Variants in POMT2 observed in about 807,000 individuals in gnomAD.
The protein encoded by POMT2 is protein O-mannosyl-transferase 2.
POMT2 carries 75 observed loss-of-function variants against 100.0 expected under a neutral mutation model. That is an observed-to-expected ratio of 0.75 (90% confidence interval 0.62 to 0.91). The LOEUF (loss-of-function observed/expected upper bound fraction) is 0.91. Ranked by LOEUF, POMT2 falls within the 40% of genes least tolerant of loss-of-function variation. The pLI, the probability that POMT2 is intolerant of heterozygous loss-of-function variation, is 0.00. For missense variants in POMT2, 940 were observed against 955.1 expected (o/e 0.98, Z 0.21); for synonymous variants, 378 against 374.1 (o/e 1.01, Z -0.12).
intron 14 of POMT2, 187 bp from the exon 15 acceptor site, chr14:77,284,060 C>T: frequency 1.5e-6 from 1 of 649,122 alleles, no homozygotes. Context: ...ACTCATCAGG[C>T]ATTCTAAGAA....
chr14:77,320,831 C>T lies in POMT2; in HGVS notation c.-150G>A. 1 of 1,318,452 alleles carries T rather than the reference C, an allele frequency of 7.6e-7. No homozygotes were observed. Among genetic ancestry groups the T allele is most frequent in the South Asian group, 1.7e-5 (1 of 57,762 alleles). 81.7% of individuals were successfully genotyped at this position (1,318,452 alleles called of 1,614,324 possible). On this transcript the variant is annotated 5_prime_UTR_variant, in exon 1 of 21. Transcript: ENST00000261534. ...GGAGCGCGGGGCCCCGGGCTCGGGG[C>T]GGGGCGGGCAGCGTGGTCGCGGCCC...
rs61990292 is a variant in POMT2 at position 77,279,774 on chromosome 14, G to A, written c.1891+49C>T. On this transcript the variant is annotated intron_variant, in intron 18 of 20. Coordinates refer to ENST00000261534, the MANE Select transcript of POMT2 (RefSeq NM_013382.7). The stretch of plus-strand genomic sequence containing the variant: ...CAGCCGGCCCTCCCCAGGGGTGCAG[G>A]TGCCCTGCTGCCGCCAGGTCAGGGG... 0.057 allele frequency: 89,174 copies of A among 1,567,636 alleles called. 3,034 individuals are homozygous for A. The highest frequency in any genetic ancestry group is 0.069 in the Non-Finnish European group (79,296 of 1,153,998).
intron 2 of POMT2, 86 bp downstream of exon 2, chr14:77,311,863 G>A (rs1023643899): frequency 5.9e-6 from 9 of 1,532,610 alleles, no homozygotes; most frequent in Admixed American, 4.5e-5. Flanking sequence ...CTTTCTAGAA[G>A]CCCCAAATCC....
At chr14:77,283,931 C>T in intron 14 of POMT2, 58 bp from the exon 15 acceptor site, 1 of 1,398,548 alleles carries the variant, frequency 7.2e-7, no homozygotes, top group South Asian at 1.2e-5. Context: ...CTCAGTCTGT[C>T]CATGGTGTCC....
chr14:77,298,957 C>A (rs377291519), intron 7 of POMT2, among the ~76,000 whole-genome samples, 186 bp from the exon 8 acceptor site: 1 of 152,192 alleles, frequency 6.6e-6, no homozygotes, highest in Non-Finnish European at 1.5e-5. Context: ...ACTAGCTGTG[C>A]GACCTTGGGC....
chr14:77,298,241 C>A (rs1247677266), intron 8 of POMT2, among the ~76,000 whole-genome samples: 4 of 152,202 alleles, frequency 2.6e-5, no homozygotes, highest in African/African-American at 7.2e-5. Context: ...AGCTGTGCTC[C>A]CTCTTTACGT....
At chr14:77,319,084 T>G (rs895472050) in intron 1 of POMT2, among the ~76,000 whole-genome samples, 3 of 152,226 alleles carry the variant, frequency 2.0e-5, no homozygotes, top group African/African-American at 7.2e-5. Context: ...TGGGCTATTG[T>G]AATTACTGGT....
At chr14:77,296,298 G>C (rs1336661678) in intron 8 of POMT2, 25 bp from the exon 9 acceptor site, 1 of 1,519,150 alleles carries the variant, frequency 6.6e-7, no homozygotes, top group South Asian at 1.2e-5. Flanking sequence ...GACAGCAGAG[G>C]GGTGAGCTGG....
chr14:77,307,703 A>G (rs1891273286), intron 2 of POMT2, among the ~76,000 whole-genome samples: 1 of 152,118 alleles, frequency 6.6e-6, no homozygotes, highest in South Asian at 2.1e-4. Flanking sequence ...AGTATCTCTG[A>G]GCTATAGGTA....
chr14:77,285,569 G>A lies in POMT2; in HGVS notation c.1396C>T (p.Arg466Trp), dbSNP rs763119319. The change falls in exon 13 of 21, where the codon CGG (arginine) becomes TGG (tryptophan). Residue 466 changes from arginine (R) to tryptophan (W), a missense_variant. By Grantham distance (101) the Arg-to-Trp change is moderately radical. Transcript: ENST00000261534. Reference sequence around the variant, plus strand: ...ATTCGACTTCTCAGCACTTTGATCCGGTTTCCAAATTTCCTGTTTACGACC... The same window carrying A: ...ATTCGACTTCTCAGCACTTTGATCCAGTTTCCAAATTTCCTGTTTACGACC... The part of the protein sequence containing the change: ...IEVVNRKFGN[R>W]IKVLRSRIRF... The A allele has an allele frequency of 5.1e-5, 83 of 1,613,828 alleles. No homozygotes were observed. Among genetic ancestry groups the A allele is most frequent in the Admixed American group, 4.8e-4 (29 of 59,988 alleles).
intron 2 of POMT2, chr14:77,308,810 A>AT (rs772352855): frequency 4.4e-4 from 199 of 448,154 alleles, no homozygotes; most frequent in Non-Finnish European, 6.4e-4. Flanking sequence ...ATATTCTTCG[A>AT]TTTTTTAGCT....
chr14:77,286,565 T>C (rs1300723147), intron 12 of POMT2, among the ~76,000 whole-genome samples, 179 bp downstream of exon 12: 2 of 152,226 alleles, frequency 1.3e-5, no homozygotes, highest in Admixed American at 6.5e-5. Flanking sequence ...ACAGACTTCA[T>C]AGGCTGCTTT....
At chr14:77,294,609 T>A (rs1008623113) in intron 9 of POMT2, among the ~76,000 whole-genome samples, 1 of 152,242 alleles carries the variant, frequency 6.6e-6, no homozygotes, top group African/African-American at 2.4e-5. Context: ...AGAGATCTGA[T>A]GGTTTTTAAA....
Position 77,320,851 on chromosome 14 carries a change from C to A in POMT2, c.-170G>T. The A allele has an allele frequency of 4.6e-6, 6 of 1,302,936 alleles. No individual in the cohort carries two copies. The highest frequency in any genetic ancestry group is 5.9e-6 in the Non-Finnish European group (6 of 1,016,448). The allele number at this position is 1,302,936 out of a possible 1,614,324, so 80.7% of individuals were successfully genotyped here. On this transcript the variant is annotated 5_prime_UTR_variant, in exon 1 of 21. Coordinates refer to ENST00000261534, the MANE Select transcript of POMT2 (RefSeq NM_013382.7). Reference sequence around the variant, plus strand: ...CGGGGCGGGGCGGGCAGCGTGGTCGCGGCCCGGGCCGCTAGGAGGCGGCAG... The same window carrying A: ...CGGGGCGGGGCGGGCAGCGTGGTCGAGGCCCGGGCCGCTAGGAGGCGGCAG...
intron 9 of POMT2, among the ~76,000 whole-genome samples, chr14:77,295,813 T>C (rs139870704): frequency 1.3e-5 from 2 of 152,012 alleles, no homozygotes; most frequent in Non-Finnish European, 2.9e-5. Context: ...TGCTAGGCAA[T>C]TGAGCCTTCC....
chr14:77,284,037 A>G (rs1448738022), intron 14 of POMT2, 164 bp from the exon 15 acceptor site: 10 of 694,806 alleles, frequency 1.4e-5, no homozygotes, highest in African/African-American at 7.1e-5. Context: ...TCATTTACTT[A>G]GCTGTATGAA....
rs1890396466 is a variant in POMT2, at chr14:77,285,586, T to C, written c.1379A>G (p.Asn460Ser). Residue 460 changes from asparagine to serine, a missense_variant, in exon 13 of 21, where the codon AAC becomes AGC. Transcript: ENST00000261534. ...TTTGATCCGGTTTCCAAATTTCCTG[T>C]TTACGACCTCAATCCGCCAGAAATC... is the stretch of plus-strand genomic sequence containing the variant. ...SNDFWRIEVVNRKFGNRIKVL... is the reference protein window; with the variant it reads ...SNDFWRIEVVSRKFGNRIKVL... 1 of 1,613,526 alleles carries C rather than the reference T, an allele frequency of 6.2e-7. No homozygotes were observed. Among genetic ancestry groups the C allele is most frequent in the South Asian group, 1.1e-5 (1 of 91,072 alleles).
chr14:77,277,161 C>G lies in POMT2; in HGVS notation c.*215G>C. The G allele has an allele frequency of 1.7e-6, 1 of 583,554 alleles. No homozygotes were observed. The highest frequency in any genetic ancestry group is 3.1e-6 in the Non-Finnish European group (1 of 322,560). 36.1% of individuals were successfully genotyped at this position (583,554 alleles called of 1,614,324 possible). On this transcript the variant is annotated 3_prime_UTR_variant, in exon 21 of 21. Transcript: ENST00000261534. The stretch of plus-strand genomic sequence containing the variant: ...AGGGAGCAGCCCAAGAGGCGCTGTC[C>G]TCTCCGTGGTGCTGTGGACGGAGCT...
intron 3 of POMT2, 27 bp downstream of exon 3, chr14:77,306,310 A>G: frequency 6.2e-7 from 1 of 1,609,996 alleles, no homozygotes; most frequent in East Asian, 2.2e-5. Context: ...GGGTTCAGTC[A>G]GTCCATTTCA....
Sources: gnomAD v4.1 joint callset for allele counts (sites outside exome capture counted in the v4.1 genomes callset) on GRCh38, gnomAD v4.1.1 for gene constraint, MANE v1.5 for transcripts, NCBI Gene and HGNC (gene_info 2026-07-23, HGNC 2026-07-21) for gene names.